Variants in GLIS3 observed in about 807,000 individuals in gnomAD.
The protein encoded by GLIS3 is GLIS family zinc finger 3, also known as zinc finger protein GLIS3.
In GLIS3, 53 loss-of-function variants were observed where a neutral mutation model predicts 78.6. The observed-to-expected ratio is 0.67, with a 90% CI of 0.54 to 0.85. The LOEUF (loss-of-function observed/expected upper bound fraction) is 0.85, where lower values mean the gene tolerates loss of function less well. Ranked by LOEUF, GLIS3 falls within the 40% of genes least tolerant of loss-of-function variation. The pLI, the probability that GLIS3 is intolerant of heterozygous loss-of-function variation, is 0.00. For synonymous variants in GLIS3, 684 were observed against 509.9 expected, an observed-to-expected ratio of 1.34 and a Z score of -4.60; for missense variants, 1,703 against 1,231.1, an observed-to-expected ratio of 1.38 and a Z score of -5.74.
rs565238292 is a variant in GLIS3, at chr9:4,342,445, A to G, written n.264+4636T>C. ...ATTTCTGGGTTCTCTATTCTGTTCC[A>G]TTGGTCTATGTGTCTGTGTACCACT... is the stretch of plus-strand genomic sequence containing the variant. On this transcript the variant is annotated intron_variant and non_coding_transcript_variant, in intron 2 of 4. Transcript: ENST00000471664. Among the ~76,000 whole-genome samples, 262 of 152,214 alleles carry G rather than the reference A, an allele frequency of 1.7e-3. 2 individuals are homozygous for G. The highest frequency in any genetic ancestry group is 0.016 in the Admixed American group (245 of 15,288).
the GLIS3 span, among the ~76,000 whole-genome samples, chr9:4,453,840 G>C: frequency 6.6e-6 from 1 of 151,922 alleles, no homozygotes; most frequent in Non-Finnish European, 1.5e-5. Context: ...ACACACGGGG[G>C]CTTGTCATGG....
rs572863453 is a variant in GLIS3, at chr9:4,281,972, T to C, written c.388+4066A>G. 2.6e-5 allele frequency among the ~76,000 whole-genome samples: 4 copies of C among 152,326 alleles called. No individual in the cohort carries two copies. The East Asian group carries it at 7.7e-4, about 29-fold the overall frequency. On this transcript the variant is annotated intron_variant, in intron 2 of 10. Coordinates refer to ENST00000381971, the MANE Select transcript of GLIS3 (RefSeq NM_001042413.2). ...TGTTTGGGAACCACAATCTATGATATTAAAGCCACTGTTATTTGAGTTTTC... is the reference window on the plus strand; with the variant it reads ...TGTTTGGGAACCACAATCTATGATACTAAAGCCACTGTTATTTGAGTTTTC...
chr9:3,829,559 C>G lies in GLIS3; in HGVS notation c.2474-67G>C, dbSNP rs895678973. 5 of 1,535,438 alleles carry G rather than the reference C, an allele frequency of 3.3e-6. No individual in the cohort carries two copies. In the African/African-American group the frequency reaches 6.8e-5, roughly 21 times the overall value. ...ACAAGTTCCACAGATCATTCCAACC[C>G]AGCTAGAACCTCACTCAGCCTGGCT... On this transcript the variant is annotated intron_variant, in intron 9 of 10. Transcript: ENST00000381971.
chr9:4,489,860 A>G, the GLIS3 span, among the ~76,000 whole-genome samples: 1 of 152,342 alleles, frequency 6.6e-6, no homozygotes, highest in South Asian at 2.1e-4. Context: ...TCCACAGACA[A>G]ATCACCTCCA....
chr9:4,488,734 T>A, the GLIS3 span, among the ~76,000 whole-genome samples: 1 of 152,098 alleles, frequency 6.6e-6, no homozygotes, highest in Non-Finnish European at 1.5e-5. Flanking sequence ...GCCAGGCTGG[T>A]CTCGAACTCT....
At chr9:4,285,681 C>T (rs1228904059) in intron 2 of GLIS3, 7 of 229,594 alleles carry the variant, frequency 3.0e-5, no homozygotes, top group Non-Finnish European at 5.2e-5. Flanking sequence ...GAGAATTCAG[C>T]CCCCAGGGAA....
chr9:4,336,216 A>G (rs1042903633), intron 2 of GLIS3, among the ~76,000 whole-genome samples: 1 of 152,222 alleles, frequency 6.6e-6, no homozygotes, highest in African/African-American at 2.4e-5. Context: ...AAAGCATCTC[A>G]TGTGGATTCA....
intron 5 of GLIS3, among the ~76,000 whole-genome samples, chr9:3,933,791 C>T (rs1825747429): frequency 6.6e-6 from 1 of 152,202 alleles, no homozygotes; most frequent in African/African-American, 2.4e-5. Flanking sequence ...TGTGAGCAAA[C>T]AAATAAGTGG....
intron 4 of GLIS3, among the ~76,000 whole-genome samples, chr9:4,116,282 C>T (rs1403308807): frequency 6.6e-6 from 1 of 152,180 alleles, no homozygotes; most frequent in Non-Finnish European, 1.5e-5. Flanking sequence ...CTGCAATAGG[C>T]CGGTGTGTTC....
At chr9:4,383,756 A>G in the GLIS3 span, among the ~76,000 whole-genome samples, 1 of 152,246 alleles carries the variant, frequency 6.6e-6, no homozygotes. Flanking sequence ...CCAGAAAAGT[A>G]GATTTTTGGG....
chr9:3,997,723 A>C (rs1820848441), intron 4 of GLIS3, among the ~76,000 whole-genome samples: 1 of 152,130 alleles, frequency 6.6e-6, no homozygotes, highest in Non-Finnish European at 1.5e-5. Flanking sequence ...TAACCTGTTA[A>C]AAATATGTAG....
the GLIS3 span, among the ~76,000 whole-genome samples, chr9:4,488,534 T>TC: frequency 1.3e-5 from 2 of 151,876 alleles, no homozygotes; most frequent in African/African-American, 2.4e-5. Context: ...CTTTTTTTTT[T>TC]ATGAGACAGG....
At chr9:3,855,570 G>C (rs1341972033) in intron 9 of GLIS3, 2 of 233,278 alleles carry the variant, frequency 8.6e-6, no homozygotes, top group South Asian at 1.3e-4. Flanking sequence ...GGGGGATCAG[G>C]AAGGGCTTCA....
At chr9:4,453,223 A>C in the GLIS3 span, among the ~76,000 whole-genome samples, 2 of 152,008 alleles carry the variant, frequency 1.3e-5, no homozygotes, top group Non-Finnish European at 2.9e-5. Flanking sequence ...AAGAAAACCT[A>C]GGCAGTACCA....
At chr9:4,126,304 T>C (rs1170210478) in intron 2 of GLIS3, among the ~76,000 whole-genome samples, 1 of 152,222 alleles carries the variant, frequency 6.6e-6, no homozygotes, top group Non-Finnish European at 1.5e-5. Flanking sequence ...AGCTAATATC[T>C]TGAATCACCC....
At position 4,095,880 on chromosome 9, in the gene GLIS3, T is replaced by C. The variant is rs545085124; in HGVS notation, c.1710+21888A>G. 2.6e-5 allele frequency among the ~76,000 whole-genome samples: 4 copies of C among 152,236 alleles called. No individual in the cohort carries two copies. The South Asian group carries it at 8.3e-4, about 32-fold the overall frequency. On this transcript the variant is annotated intron_variant, in intron 4 of 10. Transcript: ENST00000381971. Reference sequence around the variant, plus strand: ...TTTTTACAGGCTAGGAAACTGACATTCAGAGAAGTTGCTGTCCTGGTTTCA... The same window carrying C: ...TTTTTACAGGCTAGGAAACTGACATCCAGAGAAGTTGCTGTCCTGGTTTCA...
intron 4 of GLIS3, among the ~76,000 whole-genome samples, chr9:4,098,373 A>G (rs1166536350): frequency 2.0e-5 from 3 of 152,236 alleles, no homozygotes; most frequent in African/African-American, 7.2e-5. Context: ...ATGGAGGAGT[A>G]GAAGATGAAT....
intron 1 of GLIS3, among the ~76,000 whole-genome samples, chr9:4,294,227 G>T (rs945506580): frequency 6.6e-6 from 1 of 152,132 alleles, no homozygotes; most frequent in Non-Finnish European, 1.5e-5. Flanking sequence ...CAGAATAATG[G>T]GCCAGGTGCG....
chr9:3,958,731 T>C (rs1285516130), intron 4 of GLIS3, among the ~76,000 whole-genome samples: 1 of 152,244 alleles, frequency 6.6e-6, no homozygotes, highest in African/African-American at 2.4e-5. Flanking sequence ...GAATGAGATA[T>C]AATAAAAGAT....
Sources: gnomAD v4.1 joint callset for allele counts (sites outside exome capture counted in the v4.1 genomes callset) on GRCh38, gnomAD v4.1.1 for gene constraint, MANE v1.5 for transcripts, NCBI Gene and HGNC (gene_info 2026-07-23, HGNC 2026-07-21) for gene names.